The following KREMEN1 variants were observed in gnomAD, a reference collection of about 807,000 sequenced individuals.
KREMEN1 encodes the protein kringle containing transmembrane protein 1, also known as kremen protein 1.
KREMEN1 carries 30 observed loss-of-function variants against 46.5 expected under a neutral mutation model. The observed-to-expected ratio is 0.65, with a 90% confidence interval of 0.48 to 0.88. The LOEUF is 0.88. Ranked by LOEUF, KREMEN1 falls within the 40% of genes least tolerant of loss-of-function variation. The probability of loss-of-function intolerance (pLI) is 0.00; values close to 1 mark genes in which losing one functional copy is unlikely to be tolerated. For missense variants in KREMEN1, 533 were observed against 596.9 expected, an observed-to-expected ratio of 0.89 and a Z score of 1.11; for synonymous variants, 214 against 230.6, an observed-to-expected ratio of 0.93 and a Z score of 0.65.
At chr22:29,161,842 G>T (rs1193022316) in intron 9 of KREMEN1, among the ~76,000 whole-genome samples, 1 of 151,924 alleles carries the variant, frequency 6.6e-6, no homozygotes, top group Non-Finnish European at 1.5e-5. Flanking sequence ...AAGTTGGCCG[G>T]GTGGTGGCTC....
rs5997442 is a variant in KREMEN1 at position 29,125,057 on chromosome 22, C to T, written c.478-206C>T. On this transcript the variant is annotated intron_variant, in intron 4 of 8. Transcript: ENST00000400335. ...ACAAACATTAAAAAGTGATGCTCGC[C>T]GACAGGGAAACACATTGGTGGTTGC... 1,238 of 567,688 alleles carry T rather than the reference C, an allele frequency of 2.2e-3. 13 individuals are homozygous for T. Among genetic ancestry groups the T allele is most frequent in the African/African-American group, 0.02 (1,056 of 53,882 alleles). 35.2% of individuals were successfully genotyped at this position (567,688 alleles called of 1,614,324 possible). A position where few individuals can be genotyped will look rare whatever the true frequency, so the allele number is the denominator to read the frequency against.
In KREMEN1 at chr22:29,145,458, C is replaced by A; in HGVS notation, c.*3346C>A. The stretch of plus-strand genomic sequence containing the variant: ...GCGTGCCATCCTCACCCCTGTTCCC[C>A]GCTGGCGCCAGGCCCTGCCTTCTTG... On this transcript the variant is annotated 3_prime_UTR_variant, in exon 9 of 9. Coordinates refer to ENST00000400335, the MANE Select transcript of KREMEN1 (RefSeq NM_001039570.3). 1 of 985,632 alleles carries A rather than the reference C, an allele frequency of 1.0e-6. No homozygotes were observed. The highest frequency in any genetic ancestry group is 1.2e-6 in the Non-Finnish European group (1 of 830,092). 61.1% of individuals were successfully genotyped at this position (985,632 alleles called of 1,614,324 possible). A position where few individuals can be genotyped will look rare whatever the true frequency, so the allele number is the denominator to read the frequency against.
At chr22:29,097,663 CTTTATTAAGTGAAT>C (rs1339170401) in intron 2 of KREMEN1, among the ~76,000 whole-genome samples, 2 of 151,754 alleles carry the variant, frequency 1.3e-5, no homozygotes, top group Admixed American at 6.6e-5. Flanking sequence ...CCAGTGGAGT[CTTTATTAAGTGAAT>C]TTTGTTTTAC....
rs1223256564 is a variant in KREMEN1, at chr22:29,160,000, GA to G, written c.1417-7040del. ...CAGCATTAGACAGATCATCAAGGCA[GA>G]AAACTACCAAAGAATTTCTGGACTT... On this transcript the variant is annotated intron_variant, in intron 9 of 9. Coordinates refer to the KREMEN1 transcript ENST00000327813. 2.4e-4 allele frequency among the ~76,000 whole-genome samples: 36 copies of G among 152,128 alleles called. 1 individual carries two copies. Among genetic ancestry groups the G allele is most frequent in the Non-Finnish European group, 1.5e-5 (1 of 68,018 alleles).
At chr22:29,125,535 A>AGT (rs951415519) in intron 5 of KREMEN1, 119 bp downstream of exon 5, 2 of 1,019,732 alleles carry the variant, frequency 2.0e-6, no homozygotes, top group African/African-American at 3.2e-5. Context: ...AATAGACAAT[A>AGT]CTTGTGACTA....
chr22:29,098,363 A>G (rs1237531997), intron 2 of KREMEN1, among the ~76,000 whole-genome samples: 1 of 152,180 alleles, frequency 6.6e-6, no homozygotes, highest in East Asian at 1.9e-4. Context: ...GAACATCTTT[A>G]TAGGTAAGAT....
At chr22:29,151,270 T>C (rs551212649), downstream of KREMEN1, among the ~76,000 whole-genome samples, 1 of 152,316 alleles carries the variant, frequency 6.6e-6, no homozygotes, top group East Asian at 1.9e-4. Flanking sequence ...TGAGCATGAT[T>C]ATTTGAAAGT....
At chr22:29,117,552 G>A (rs572499521) in intron 3 of KREMEN1, among the ~76,000 whole-genome samples, 1 of 145,236 alleles carries the variant, frequency 6.9e-6, no homozygotes, top group African/African-American at 2.5e-5. Context: ...GGGCAACAGA[G>A]CAAGACTCCG....
chr22:29,093,152 T>C (rs2037828545), intron 1 of KREMEN1, among the ~76,000 whole-genome samples: 1 of 152,098 alleles, frequency 6.6e-6, no homozygotes, highest in African/African-American at 2.4e-5. Flanking sequence ...TTAAAAGAAA[T>C]ATCTGCCAGA....
intron 3 of KREMEN1, among the ~76,000 whole-genome samples, chr22:29,112,818 T>G (rs1273760556): frequency 2.0e-5 from 3 of 152,216 alleles, no homozygotes; most frequent in Non-Finnish European, 4.4e-5. Flanking sequence ...TGGCTTTTCC[T>G]CCCTGCTTCT....
At chr22:29,128,002 T>C (rs988920219) in intron 5 of KREMEN1, among the ~76,000 whole-genome samples, 4 of 152,208 alleles carry the variant, frequency 2.6e-5, no homozygotes, top group Non-Finnish European at 5.9e-5. Flanking sequence ...TATTTTATGA[T>C]CTCATTTATA....
At chr22:29,130,619 G>A (rs1168640328) in intron 5 of KREMEN1, among the ~76,000 whole-genome samples, 1 of 152,150 alleles carries the variant, frequency 6.6e-6, no homozygotes, top group Non-Finnish European at 1.5e-5. Flanking sequence ...CCTGAGACAT[G>A]CCCATTATCA....
rs2038419936 is a variant in KREMEN1 at position 29,125,098 on chromosome 22, C to G, written c.478-165C>G. The G allele has an allele frequency of 4.3e-6, 3 of 692,738 alleles. No homozygotes were observed. In the South Asian group the frequency reaches 5.3e-5, roughly 12 times the overall value. The allele number at this position is 692,738 out of a possible 1,614,324, so 42.9% of individuals were successfully genotyped here. A position where few individuals can be genotyped will look rare whatever the true frequency, so the allele number is the denominator to read the frequency against. On this transcript the variant is annotated intron_variant, in intron 4 of 8. Coordinates refer to ENST00000400335, the MANE Select transcript of KREMEN1 (RefSeq NM_001039570.3). ...TGGTGGTTGCGTACTTATTGTTCAG[C>G]TTGAAATTAAGTGTTGCAAGAGTGG... is the stretch of plus-strand genomic sequence containing the variant.
chr22:29,097,280 T>C (rs1440304672), intron 2 of KREMEN1, among the ~76,000 whole-genome samples: 1 of 152,254 alleles, frequency 6.6e-6, no homozygotes, highest in Non-Finnish European at 1.5e-5. Flanking sequence ...GTGTGTCCAG[T>C]AGCCCCTGCC....
At chr22:29,162,252 T>A (rs2039018165) in intron 9 of KREMEN1, among the ~76,000 whole-genome samples, 1 of 152,118 alleles carries the variant, frequency 6.6e-6, no homozygotes, top group Admixed American at 6.6e-5. Flanking sequence ...ATCATCCCAA[T>A]AGATGCAGAA....
At chr22:29,113,232 G>A (rs2038179467) in intron 3 of KREMEN1, among the ~76,000 whole-genome samples, 2 of 152,184 alleles carry the variant, frequency 1.3e-5, no homozygotes, top group Admixed American at 1.3e-4. Context: ...TGTTAGACTG[G>A]TTTCTTCTTT....
chr22:29,141,823 T>G, intron 8 of KREMEN1, 121 bp from the exon 9 acceptor site: 1 of 658,476 alleles, frequency 1.5e-6, no homozygotes, highest in Non-Finnish European at 2.4e-6. Flanking sequence ...TCTTTAGAGG[T>G]GGCTGTGAGG....
In KREMEN1 at chr22:29,143,429, C is replaced by T; in HGVS notation, c.*1317C>T. On this transcript the variant is annotated 3_prime_UTR_variant, in exon 9 of 9. Coordinates refer to ENST00000400335, the MANE Select transcript of KREMEN1 (RefSeq NM_001039570.3). ...GGCCTGTGGTCCTTCCTTCTGGTGT[C>T]CCCCGTGTTAAAAGATAAAAAACAC... 2 of 985,322 alleles carry T rather than the reference C, an allele frequency of 2.0e-6. No individual in the cohort carries two copies. The highest frequency in any genetic ancestry group is 2.4e-6 in the Non-Finnish European group (2 of 829,966). 61.0% of individuals were successfully genotyped at this position (985,322 alleles called of 1,614,324 possible).
At chr22:29,164,177 A>AT (rs1451109375) in intron 9 of KREMEN1, among the ~76,000 whole-genome samples, 1 of 152,248 alleles carries the variant, frequency 6.6e-6, no homozygotes, top group African/African-American at 2.4e-5. Context: ...CAGGATATCA[A>AT]TTAACTAGTC....
Sources: gnomAD v4.1 joint callset for allele counts (sites outside exome capture counted in the v4.1 genomes callset) on GRCh38, gnomAD v4.1.1 for gene constraint, MANE v1.5 for transcripts, NCBI Gene and HGNC (gene_info 2026-07-23, HGNC 2026-07-21) for gene names.